The following C7orf78 variants were observed in gnomAD, a reference collection of about 807,000 sequenced individuals.
C7orf78 encodes putative uncharacterized protein C7orf78.
At chr7:12,498,686 C>G in the C7orf78 span, among the ~76,000 whole-genome samples, 1 of 151,760 alleles carries the variant, frequency 6.6e-6, no homozygotes, top group African/African-American at 2.4e-5. Context: ...GAGAATTTCC[C>G]CAATCTAGCA....
At chr7:12,486,362 A>AC in the C7orf78 span, among the ~76,000 whole-genome samples, 2 of 151,892 alleles carry the variant, frequency 1.3e-5, no homozygotes, top group Non-Finnish European at 2.9e-5. Context: ...CATTTTCCAC[A>AC]CACTATTCAT....
At chr7:12,524,409 T>C in the C7orf78 span, among the ~76,000 whole-genome samples, 1 of 152,178 alleles carries the variant, frequency 6.6e-6, no homozygotes, top group Non-Finnish European at 1.5e-5. Flanking sequence ...CATCTAAATA[T>C]TTTCATTCAT....
chr7:12,525,997 A>C, the C7orf78 span: 1 of 390,704 alleles, frequency 2.6e-6, no homozygotes, highest in Non-Finnish European at 4.5e-6. Flanking sequence ...AAATAGGTGG[A>C]TTTTATTATC....
chr7:12,496,501 A>G, the C7orf78 span: 2 of 152,336 alleles, frequency 1.3e-5, no homozygotes, highest in East Asian at 1.9e-4. Flanking sequence ...AGGGTTAGTA[A>G]TGATCTCAGA....
chr7:12,526,656 AC>A, the C7orf78 span, among the ~76,000 whole-genome samples: 1 of 152,170 alleles, frequency 6.6e-6, no homozygotes, highest in Non-Finnish European at 1.5e-5. Context: ...CATGTGTTAT[AC>A]TTATAAAAGT....
At chr7:12,531,070 T>A in the C7orf78 span, 1 of 398,424 alleles carries the variant, frequency 2.5e-6, no homozygotes. Flanking sequence ...GGAAGAAAAG[T>A]TTACAAAGAT....
chr7:12,496,140 T>A, the C7orf78 span, among the ~76,000 whole-genome samples: 1 of 152,176 alleles, frequency 6.6e-6, no homozygotes, highest in African/African-American at 2.4e-5. Flanking sequence ...TTAGCCAGGA[T>A]GGTCTCGATC....
chr7:12,483,741 G>C, the C7orf78 span: 2 of 151,324 alleles, frequency 1.3e-5, no homozygotes, highest in African/African-American at 4.8e-5. Flanking sequence ...AGCTGGTCGC[G>C]GTGGCGGGCG....
At chr7:12,533,751 C>T in the C7orf78 span, among the ~76,000 whole-genome samples, 7 of 151,860 alleles carry the variant, frequency 4.6e-5, no homozygotes, top group East Asian at 3.9e-4. Flanking sequence ...CTCCTGACCT[C>T]GTGATCCACC....
At chr7:12,501,786 C>T in the C7orf78 span, among the ~76,000 whole-genome samples, 5 of 142,564 alleles carry the variant, frequency 3.5e-5, no homozygotes, top group African/African-American at 1.3e-4. Flanking sequence ...CAATCCTAAG[C>T]CAAAAGAACA....
At chr7:12,497,999 T>TC in the C7orf78 span, among the ~76,000 whole-genome samples, 23 of 151,874 alleles carry the variant, frequency 1.5e-4, no homozygotes, top group South Asian at 3.3e-3. Context: ...TGCAGGGTAC[T>TC]CCAACAGACC....
chr7:12,536,148 A>C, the C7orf78 span, among the ~76,000 whole-genome samples: 1 of 152,196 alleles, frequency 6.6e-6, no homozygotes, highest in East Asian at 1.9e-4. Context: ...ACCTGTCTGT[A>C]CTGCCCTAGC....
chr7:12,536,393 A>G, the C7orf78 span, among the ~76,000 whole-genome samples: 1 of 152,144 alleles, frequency 6.6e-6, no homozygotes, highest in Non-Finnish European at 1.5e-5. Flanking sequence ...CAGCTGGGAC[A>G]TAAGGCACCA....
the C7orf78 span, among the ~76,000 whole-genome samples, chr7:12,522,223 C>G: frequency 6.6e-6 from 1 of 152,188 alleles, no homozygotes; most frequent in South Asian, 2.1e-4. Flanking sequence ...CAGGAACCAG[C>G]ATTGTTGTAC....
the C7orf78 span, among the ~76,000 whole-genome samples, chr7:12,494,333 A>G: frequency 6.6e-6 from 1 of 152,182 alleles, no homozygotes; most frequent in African/African-American, 2.4e-5. Context: ...TAAATATGGA[A>G]CAAGATAATT....
the C7orf78 span, among the ~76,000 whole-genome samples, chr7:12,533,835 T>C: frequency 6.6e-6 from 1 of 152,136 alleles, no homozygotes; most frequent in Non-Finnish European, 1.5e-5. Flanking sequence ...CAAAAGTTTC[T>C]TATAGTGGTT....
chr7:12,521,030 G>C, the C7orf78 span, among the ~76,000 whole-genome samples: 1 of 151,814 alleles, frequency 6.6e-6, no homozygotes, highest in Non-Finnish European at 1.5e-5. Context: ...AATAAGTATA[G>C]TTACTTCTGT....
the C7orf78 span, among the ~76,000 whole-genome samples, chr7:12,499,237 T>C: frequency 5.0e-4 from 76 of 151,358 alleles, no homozygotes; most frequent in African/African-American, 1.7e-3. Context: ...CATAACACTA[T>C]TAACTTTAAA....
chr7:12,493,685 A>T, the C7orf78 span, among the ~76,000 whole-genome samples: 1 of 152,204 alleles, frequency 6.6e-6, no homozygotes, highest in Non-Finnish European at 1.5e-5. Flanking sequence ...TTAGATGTAT[A>T]ATCTTGGGCA....
Sources: allele counts gnomAD v4.1 joint callset (sites outside exome capture counted in the v4.1 genomes callset), GRCh38; gene constraint gnomAD v4.1.1; transcripts MANE v1.5; gene names NCBI Gene and HGNC (gene_info 2026-07-23, HGNC 2026-07-21).